RBFOX1: variants seen among roughly 807,000 people sequenced by gnomAD.
RBFOX1 encodes RNA binding protein fox-1 homolog 1.
A neutral mutation model predicts 57.7 loss-of-function variants in RBFOX1; 8 were observed. The ratio of observed to expected loss-of-function variants is 0.14; its 90% confidence interval spans 0.08 to 0.25. RBFOX1 has a LOEUF of 0.25. RBFOX1 is among the 10% of genes least tolerant of loss of function. The probability of loss-of-function intolerance (pLI) is 1.00; values close to 1 mark genes in which losing one functional copy is unlikely to be tolerated. For missense variants in RBFOX1, 611 were observed against 548.5 expected (o/e 1.11, Z -1.14); for synonymous variants, 326 against 222.4 (o/e 1.47, Z -4.15).
intron 1 of RBFOX1, among the ~76,000 whole-genome samples, chr16:6,093,710 C>G (rs572891209): frequency 6.6e-6 from 1 of 152,080 alleles, no homozygotes; most frequent in African/African-American, 2.4e-5. Context: ...CAGCCTTAAC[C>G]TCCTAGGCTC....
chr16:5,425,641 A>G (rs1300435608), intron 1 of RBFOX1, among the ~76,000 whole-genome samples: 1 of 152,178 alleles, frequency 6.6e-6, no homozygotes, highest in Non-Finnish European at 1.5e-5. Context: ...ACGGGAAATA[A>G]GTCTGGCTGA....
intron 4 of RBFOX1, among the ~76,000 whole-genome samples, chr16:7,172,757 G>T (rs1489395454): frequency 6.6e-6 from 1 of 152,154 alleles, no homozygotes; most frequent in Non-Finnish European, 1.5e-5. Flanking sequence ...AGACACAGAG[G>T]TGTCAGTCTT....
intron 3 of RBFOX1, among the ~76,000 whole-genome samples, chr16:5,666,006 C>T (rs2049832748): frequency 6.6e-6 from 1 of 152,248 alleles, no homozygotes; most frequent in Non-Finnish European, 1.5e-5. Context: ...GTCAAAACTG[C>T]CACCCACTCA....
At chr16:7,203,053 T>C (rs545409993) in intron 4 of RBFOX1, among the ~76,000 whole-genome samples, 10 of 152,336 alleles carry the variant, frequency 6.6e-5, no homozygotes, top group African/African-American at 9.6e-5. Flanking sequence ...CCCAAAGTGC[T>C]GGGATTACAG....
chr16:6,750,560 C>T (rs558990486), intron 3 of RBFOX1, among the ~76,000 whole-genome samples: 3 of 152,274 alleles, frequency 2.0e-5, no homozygotes, highest in South Asian at 2.1e-4. Context: ...AACTGGTGAC[C>T]GAACTATGGT....
chr16:6,845,259 T>C (rs1040994754), intron 3 of RBFOX1, among the ~76,000 whole-genome samples: 1 of 152,208 alleles, frequency 6.6e-6, no homozygotes, highest in Non-Finnish European at 1.5e-5. Context: ...CCCGTACCTG[T>C]GTCCTGAATG....
intron 3 of RBFOX1, among the ~76,000 whole-genome samples, chr16:6,808,781 A>T (rs1385958952): frequency 6.6e-6 from 1 of 152,162 alleles, no homozygotes; most frequent in East Asian, 1.9e-4. Context: ...TATTAACTGT[A>T]TCTGTGTCTT....
At chr16:7,042,349 A>T (rs972361799) in intron 3 of RBFOX1, among the ~76,000 whole-genome samples, 1 of 152,148 alleles carries the variant, frequency 6.6e-6, no homozygotes, top group East Asian at 1.9e-4. Flanking sequence ...ACTGTGTACA[A>T]TGGTGATTCA....
At chr16:5,689,954 C>T (rs2050621979) in intron 3 of RBFOX1, among the ~76,000 whole-genome samples, 1 of 152,174 alleles carries the variant, frequency 6.6e-6, no homozygotes, top group East Asian at 1.9e-4. Context: ...TAGAGCATGG[C>T]CATGCAGAGA....
chr16:6,254,155 G>A (rs944794468), intron 1 of RBFOX1, among the ~76,000 whole-genome samples: 3 of 152,020 alleles, frequency 2.0e-5, no homozygotes, highest in African/African-American at 4.8e-5. Flanking sequence ...AAGCACCCTC[G>A]TCAATAGCAT....
At chr16:7,703,896 G>A (rs778809058) in intron 14 of RBFOX1, among the ~76,000 whole-genome samples, 2 of 152,210 alleles carry the variant, frequency 1.3e-5, no homozygotes, top group Non-Finnish European at 2.9e-5. Context: ...TATTAGAATG[G>A]AATTTTTCAA....
chr16:7,396,347 C>T (rs547439854), intron 4 of RBFOX1, among the ~76,000 whole-genome samples: 2 of 152,208 alleles, frequency 1.3e-5, no homozygotes, highest in South Asian at 2.1e-4. Context: ...CAGTTACAAG[C>T]GGATTCAAAT....
At chr16:7,531,940 G>A (rs1367125506) in intron 5 of RBFOX1, among the ~76,000 whole-genome samples, 1 of 152,024 alleles carries the variant, frequency 6.6e-6, no homozygotes, top group East Asian at 1.9e-4. Context: ...GCCCCATAGA[G>A]TGAAAGAGGC....
intron 3 of RBFOX1, among the ~76,000 whole-genome samples, chr16:6,930,817 C>G (rs569958973): frequency 2.0e-5 from 3 of 152,092 alleles, no homozygotes; most frequent in African/African-American, 7.2e-5. Context: ...AGTCTATGAG[C>G]AAATGTCATC....
intron 2 of RBFOX1, among the ~76,000 whole-genome samples, chr16:6,549,890 C>A (rs190995125): frequency 3.3e-5 from 5 of 152,254 alleles, no homozygotes; most frequent in Non-Finnish European, 5.9e-5. Flanking sequence ...TGGACCCTTA[C>A]GTACTTTGAC....
chr16:7,183,809 T>A (rs2083199227), intron 4 of RBFOX1, among the ~76,000 whole-genome samples: 2 of 152,188 alleles, frequency 1.3e-5, no homozygotes, highest in South Asian at 4.1e-4. Flanking sequence ...AGGAGCTATT[T>A]AATGCCTCCT....
intron 1 of RBFOX1, among the ~76,000 whole-genome samples, chr16:6,211,121 C>G (rs547983160): frequency 8.5e-6 from 1 of 117,180 alleles, no homozygotes; most frequent in Non-Finnish European, 2.0e-5. Context: ...TGTGGCCTAA[C>G]GGCAGACTGG....
chr16:6,921,625 GTATATATA>G (rs146354998), intron 3 of RBFOX1, among the ~76,000 whole-genome samples: 6 of 135,244 alleles, frequency 4.4e-5, no homozygotes, highest in South Asian at 2.3e-4. Context: ...ATAAATTACT[GTATATATA>G]TATATATATA....
chr16:5,662,015 T>C (rs2049668428), intron 3 of RBFOX1, among the ~76,000 whole-genome samples: 1 of 152,088 alleles, frequency 6.6e-6, no homozygotes, highest in Non-Finnish European at 1.5e-5. Flanking sequence ...CTCCATCTCC[T>C]GACGTCGTAA....
Sources: gnomAD v4.1 joint callset for allele counts (sites outside exome capture counted in the v4.1 genomes callset) on GRCh38, gnomAD v4.1.1 for gene constraint, MANE v1.5 for transcripts, NCBI Gene and HGNC (gene_info 2026-07-23, HGNC 2026-07-21) for gene names.